Variants in VGLL1 observed in about 807,000 individuals in gnomAD.
VGLL1 encodes the protein vestigial like family member 1.
A neutral mutation model predicts 12.0 loss-of-function variants in VGLL1; 4 were observed. That is an observed-to-expected ratio of 0.33 (90% CI 0.16 to 0.76). The LOEUF (loss-of-function observed/expected upper bound fraction) is 0.76. Ranked by LOEUF, VGLL1 falls within the 30% of genes least tolerant of loss-of-function variation. The probability of loss-of-function intolerance (pLI) is 0.60; values close to 1 mark genes in which losing one functional copy is unlikely to be tolerated. For synonymous variants in VGLL1, 87 were observed against 81.2 expected, an observed-to-expected ratio of 1.07 and a Z score of -0.39; for missense variants, 204 against 208.7, an observed-to-expected ratio of 0.98 and a Z score of 0.14.
At chrX:136,537,145 G>A (rs1283245828) in intron 2 of VGLL1, among the ~76,000 whole-genome samples, 1 of 111,941 alleles carries the variant, frequency 8.9e-6, no homozygotes, top group Non-Finnish European at 1.9e-5. Context: ...CAAGGCAAGA[G>A]GATCACTTGA....
chrX:136,546,998 T>C (rs2075871326), intron 2 of VGLL1, among the ~76,000 whole-genome samples: 1 of 113,224 alleles, frequency 8.8e-6, no homozygotes. Flanking sequence ...TGGACTTCTC[T>C]TCCTATCCTT....
chrX:136,532,646 TTTCTTTCTTTCTTTC>T (rs2075827951), intron 1 of VGLL1, among the ~76,000 whole-genome samples: 1 of 88,987 alleles, frequency 1.1e-5, no homozygotes, highest in African/African-American at 4.1e-5. Context: ...TCTTTCTTTC[TTTCTTTCTTTCTTTC>T]TTTTTCTTTC....
intron 4 of VGLL1, among the ~76,000 whole-genome samples, chrX:136,553,045 A>C (rs1963113651): frequency 9.0e-6 from 1 of 111,637 alleles, no homozygotes; most frequent in Non-Finnish European, 1.9e-5. Flanking sequence ...CAACAGGCCC[A>C]AGTCTGCCTT....
At chrX:136,538,473 G>T (rs1194212974) in intron 2 of VGLL1, among the ~76,000 whole-genome samples, 4 of 112,595 alleles carry the variant, frequency 3.6e-5, no homozygotes, top group Non-Finnish European at 7.5e-5. Context: ...TCGCCAGCTG[G>T]ATGTCACTCA....
chrX:136,536,002 C>A lies in VGLL1; in HGVS notation c.-19C>A. ...TTTTGCCTTTGGTCCACAGCTGTCA[C>A]CTGTGTCATTCACTCACAATGGAAG... On this transcript the variant is annotated 5_prime_UTR_variant, in exon 2 of 5. Coordinates refer to ENST00000370634, the MANE Select transcript of VGLL1 (RefSeq NM_016267.4). 3.3e-6 allele frequency: 4 copies of A among 1,200,240 alleles called. No homozygotes were observed. The highest frequency in any genetic ancestry group is 4.5e-6 in the Non-Finnish European group (4 of 885,829).
intron 2 of VGLL1, among the ~76,000 whole-genome samples, chrX:136,540,611 T>G (rs931390154): frequency 8.9e-6 from 1 of 111,787 alleles, no homozygotes; most frequent in Non-Finnish European, 1.9e-5. Context: ...GCACATTATA[T>G]GTTGTATTTC....
At chrX:136,534,922 G>A (rs768198310) in intron 1 of VGLL1, among the ~76,000 whole-genome samples, 55 of 112,053 alleles carry the variant, frequency 4.9e-4, no homozygotes, top group Non-Finnish European at 9.6e-4. Flanking sequence ...TCATAAACTA[G>A]AGAGAAAGAT....
intron 2 of VGLL1, among the ~76,000 whole-genome samples, chrX:136,541,814 T>G (rs1341621755): frequency 9.8e-5 from 11 of 112,601 alleles, no homozygotes; most frequent in Admixed American, 8.4e-4. Flanking sequence ...ATTTCCTGGC[T>G]TCTCTTCCCC....
At chrX:136,553,013 A>G (rs913372537) in intron 4 of VGLL1, among the ~76,000 whole-genome samples, 1 of 111,784 alleles carries the variant, frequency 8.9e-6, no homozygotes, top group Non-Finnish European at 1.9e-5. Flanking sequence ...TGCAGAGAGT[A>G]GTTGAGGAAA....
chrX:136,545,534 GAAAT>G (rs1212302520), intron 2 of VGLL1, among the ~76,000 whole-genome samples: 2 of 111,867 alleles, frequency 1.8e-5, no homozygotes, highest in Admixed American at 1.9e-4. Flanking sequence ...TAAGAATTAA[GAAAT>G]AAATAAATTA....
chrX:136,545,506 A>G (rs1341677134), intron 2 of VGLL1, among the ~76,000 whole-genome samples: 2 of 112,152 alleles, frequency 1.8e-5, no homozygotes, highest in African/African-American at 3.2e-5. Context: ...AAGAAGACCA[A>G]TAGTGAATGA....
intron 1 of VGLL1, among the ~76,000 whole-genome samples, chrX:136,532,630 T>TTTC (rs1569359198): frequency 3.1e-5 from 3 of 98,233 alleles, no homozygotes; most frequent in East Asian, 6.3e-4. Flanking sequence ...TCTTTCTTTC[T>TTTC]TTCTTTCTTT....
Position 136,548,672 on chromosome X carries a change from G to A in VGLL1, c.298G>A (p.Ala100Thr), listed in dbSNP as rs200088691. The A allele has an allele frequency of 8.3e-5, 101 of 1,210,416 alleles. No individual in the cohort carries two copies. The highest frequency in any genetic ancestry group is 2.3e-4 in the Middle Eastern group (1 of 4,355). The change falls in exon 3 of 5, where the codon GCC (alanine) becomes ACC (threonine). Residue 100 changes from alanine (A) to threonine (T), a missense_variant. Coordinates refer to ENST00000370634, the MANE Select transcript of VGLL1 (RefSeq NM_016267.4). ...QPEVPVTNRA[A>T]NCNLHVPGPM... ...AGAAGTACCTGTCACAAACCGTGCC[G>A]CCAACTGCAACTTGCATGTGCCTGG...
intron 4 of VGLL1, among the ~76,000 whole-genome samples, chrX:136,555,917 G>T (rs1430641412): frequency 9.0e-6 from 1 of 111,221 alleles, no homozygotes. Flanking sequence ...CATCAGTGAT[G>T]TTAGCTTAGT....
chrX:136,550,690 C>G, intron 3 of VGLL1, 78 bp from the exon 4 acceptor site: 1 of 804,420 alleles, frequency 1.2e-6, no homozygotes, highest in Non-Finnish European at 1.8e-6. Flanking sequence ...AATGTGGGGC[C>G]CCTGGAATGC....
chrX:136,556,323 C>T (rs1016230400), intron 4 of VGLL1, 128 bp from the exon 5 acceptor site: 3 of 450,682 alleles, frequency 6.7e-6, no homozygotes, highest in Non-Finnish European at 1.1e-5. Context: ...TTTCTGTCTT[C>T]CCTTCCTCTG....
chrX:136,556,517 A>G lies in VGLL1; in HGVS notation c.755A>G (p.His252Arg). 5.8e-6 allele frequency: 7 copies of G among 1,211,116 alleles called. No individual in the cohort carries two copies. Among genetic ancestry groups the G allele is most frequent in the Non-Finnish European group, 7.8e-6 (7 of 894,827 alleles). The change falls in exon 5 of 5, where the codon CAT (histidine) becomes CGT (arginine). Residue 252 changes from histidine to arginine, a missense_variant. Transcript: ENST00000370634. ...CCACCAAACCACTGGGGCCACCCAC[A>G]TCGATACCTGCAGCATCTTTAGTCA... ...LTPPNHWGHP[H>R]RYLQHL is the part of the protein sequence containing the mutation.
rs749163851 is a variant in VGLL1 at position 136,548,929 on chromosome X, C to T, written c.555C>T (p.Ala185=). 107 of 1,210,616 alleles carry T rather than the reference C, an allele frequency of 8.8e-5. No homozygotes were observed. The highest frequency in any genetic ancestry group is 1.1e-4 in the Non-Finnish European group (102 of 895,371). ...DRCLARPQES[A]ARENGNPGQI... The stretch of plus-strand genomic sequence containing the variant: ...GCCTAGCCCGTCCTCAGGAATCTGC[C>T]GCCAGGGAGAATGGCAACCCTGGCC... The change falls in exon 3 of 5, where the codon GCC becomes GCT. Residue 185 remains alanine (A), a synonymous_variant. Coordinates refer to ENST00000370634, the MANE Select transcript of VGLL1 (RefSeq NM_016267.4).
At chrX:136,532,433 T>C (rs1374203416) in intron 1 of VGLL1, 137 bp downstream of exon 1, 1 of 111,706 alleles carries the variant, frequency 9.0e-6, no homozygotes, top group Non-Finnish European at 1.9e-5. Flanking sequence ...GTGATTGGTT[T>C]GACAAACTAA....
Sources: allele counts gnomAD v4.1 joint callset (sites outside exome capture counted in the v4.1 genomes callset), GRCh38; gene constraint gnomAD v4.1.1; transcripts MANE v1.5; gene names NCBI Gene and HGNC (gene_info 2026-07-23, HGNC 2026-07-21).